The following VPS26B variants were observed in gnomAD, a reference collection of about 807,000 sequenced individuals.
The protein encoded by VPS26B is VPS26 retromer complex component B, also known as vacuolar protein sorting-associated protein 26B.
A neutral mutation model predicts 33.3 loss-of-function variants in VPS26B; 10 were observed. The ratio of observed to expected loss-of-function variants is 0.30; its 90% confidence interval spans 0.19 to 0.51. VPS26B has a LOEUF of 0.51. VPS26B is among the 20% of genes least tolerant of loss of function. The pLI, the probability that VPS26B is intolerant of heterozygous loss-of-function variation, is 0.98. For synonymous variants in VPS26B, 190 were observed against 176.9 expected (o/e 1.07, Z -0.59); for missense variants, 317 against 452.7 (o/e 0.70, Z 2.72).
Position 134,225,348 on chromosome 11 carries a change from G to T in VPS26B, c.223+3G>T. The T allele has an allele frequency of 6.2e-7, 1 of 1,613,384 alleles. No individual in the cohort carries two copies. The highest frequency in any genetic ancestry group is 1.1e-5 in the South Asian group (1 of 91,046). On this transcript the variant is annotated splice_donor_region_variant and intron_variant, in intron 1 of 5. Coordinates refer to ENST00000281187, the MANE Select transcript of VPS26B (RefSeq NM_052875.5). ...GATCGAGTTCATCGGGCAGATCGGT[G>T]AGTCGACCCCCGGGACCCCCTCCCC...
Position 134,225,177 on chromosome 11 carries a change from G to T in VPS26B, c.55G>T (p.Ala19Ser), listed in dbSNP as rs1200836115. 6.2e-7 allele frequency: 1 copy of T among 1,614,112 alleles called. No individual in the cohort carries two copies. The highest frequency in any genetic ancestry group is 1.3e-5 in the African/African-American group (1 of 75,072). The change falls in exon 1 of 6, where the codon GCA (alanine) becomes TCA (serine). Residue 19 changes from alanine to serine, a missense_variant. By Grantham distance (99) the Ala-to-Ser change is moderately conservative. Coordinates refer to ENST00000281187, the MANE Select transcript of VPS26B (RefSeq NM_052875.5). Reference sequence around the variant, plus strand: ...GGAGGTGGAAATCCTTCTGAACGATGCAGAGAGTAGGAAGCGGGCCGAGCA... The same window carrying T: ...GGAGGTGGAAATCCTTCTGAACGATTCAGAGAGTAGGAAGCGGGCCGAGCA... ...SVEVEILLND[A>S]ESRKRAEHKT...
At chr11:134,232,275 G>A (rs1591878187) in intron 1 of VPS26B, among the ~76,000 whole-genome samples, 1 of 149,478 alleles carries the variant, frequency 6.7e-6, no homozygotes, top group African/African-American at 2.5e-5. Flanking sequence ...CAGACCTCTC[G>A]TGAGAACAGC....
chr11:134,227,567 T>C (rs1938498100), intron 1 of VPS26B, among the ~76,000 whole-genome samples: 1 of 152,188 alleles, frequency 6.6e-6, no homozygotes, highest in South Asian at 2.1e-4. Context: ...CTTGTCTATC[T>C]CCTTACTCCT....
chr11:134,234,441 G>C (rs1938601872), intron 1 of VPS26B, among the ~76,000 whole-genome samples: 2 of 152,216 alleles, frequency 1.3e-5, no homozygotes, highest in Non-Finnish European at 2.9e-5. Flanking sequence ...AGTCAGTTAA[G>C]CATGCTGTGC....
chr11:134,229,476 C>T (rs747864440), intron 1 of VPS26B, among the ~76,000 whole-genome samples: 56 of 152,236 alleles, frequency 3.7e-4, no homozygotes, highest in Non-Finnish European at 7.1e-4. Flanking sequence ...AAACCCCTCT[C>T]TCTGTCTCTG....
At chr11:134,235,978 C>G (rs563255566) in intron 2 of VPS26B, among the ~76,000 whole-genome samples, 1 of 152,226 alleles carries the variant, frequency 6.6e-6, no homozygotes, top group East Asian at 1.9e-4. Context: ...GGATGGTACA[C>G]ACCACAAGAC....
chr11:134,225,070 G>C lies in VPS26B; in HGVS notation c.-53G>C. 1.3e-6 allele frequency: 2 copies of C among 1,521,616 alleles called. No individual in the cohort carries two copies. The highest frequency in any genetic ancestry group is 2.4e-5 in the South Asian group (2 of 82,324). 94.3% of individuals were successfully genotyped at this position (1,521,616 alleles called of 1,614,324 possible). On this transcript the variant is annotated 5_prime_UTR_variant, in exon 1 of 6. Coordinates refer to ENST00000281187, the MANE Select transcript of VPS26B (RefSeq NM_052875.5). The stretch of plus-strand genomic sequence containing the variant: ...GCCTTCTTTACCTAGGGCAGCCCGC[G>C]CCCCGGTGCGAGGGAGCGGTCCTTA...
intron 1 of VPS26B, among the ~76,000 whole-genome samples, chr11:134,231,663 C>G (rs1398094425): frequency 6.6e-6 from 1 of 151,932 alleles, no homozygotes; most frequent in African/African-American, 2.4e-5. Context: ...CTCCCGGATT[C>G]AAGCAATTCT....
intron 1 of VPS26B, among the ~76,000 whole-genome samples, chr11:134,234,419 C>T (rs1011698114): frequency 1.6e-4 from 25 of 152,318 alleles, no homozygotes; most frequent in Middle Eastern, 3.4e-3. Flanking sequence ...GCCAGCTCTG[C>T]GACTCCAGGC....
intron 1 of VPS26B, among the ~76,000 whole-genome samples, chr11:134,232,824 A>G (rs1938575021): frequency 6.6e-6 from 1 of 152,158 alleles, no homozygotes; most frequent in South Asian, 2.1e-4. Context: ...AAACTGAGGT[A>G]CCAGGTTCCC....
At position 134,225,257 on chromosome 11, in the gene VPS26B, G is replaced by T; in HGVS notation, c.135G>T (p.Thr45=). Residue 45 remains threonine, a synonymous_variant, in exon 1 of 6, where the codon ACG becomes ACT. Transcript: ENST00000281187. ...ATTTCCTCTTCTACGACGGGGAGAC[G>T]GTCTCCGGGAAGGTGAGCCTTGCCC... ...EKYFLFYDGE[T]VSGKVSLALK... 2 of 1,614,152 alleles carry T rather than the reference G, an allele frequency of 1.2e-6. No individual in the cohort carries two copies. Among genetic ancestry groups the T allele is most frequent in the Non-Finnish European group, 1.7e-6 (2 of 1,180,002 alleles).
Position 134,234,877 on chromosome 11 carries a change from G to T in VPS26B, c.224-20G>T, listed in dbSNP as rs772889553. On this transcript the variant is annotated intron_variant, in intron 1 of 5. Coordinates refer to ENST00000281187, the MANE Select transcript of VPS26B (RefSeq NM_052875.5). ...TCAGGGTCTGATAAAGGAGGGCGTCGCATCGCTGTCTCTCACCAGAACTCT... is the reference window on the plus strand; with the variant it reads ...TCAGGGTCTGATAAAGGAGGGCGTCTCATCGCTGTCTCTCACCAGAACTCT... 15 of 1,610,092 alleles carry T rather than the reference G, an allele frequency of 9.3e-6. No homozygotes were observed. The highest frequency in any genetic ancestry group is 2.2e-5 in the East Asian group (1 of 44,734).
In VPS26B at chr11:134,247,686, GTCA is replaced by G. The variant is rs1329731995; in HGVS notation, c.*2099_*2101del. 6.5e-6 allele frequency: 1 copy of G among 154,096 alleles called. No homozygotes were observed. The highest frequency in any genetic ancestry group is 6.4e-5 in the Admixed American group (1 of 15,530). The allele number at this position is 154,096 out of a possible 1,614,324, so 9.5% of individuals were successfully genotyped here. On this transcript the variant is annotated 3_prime_UTR_variant, in exon 6 of 6. Transcript: ENST00000281187. ...GCAGTGTTTACATGTTTCTTAATGT[GTCA>G]TCTTTTCAATGGCTGTATTAAAAGA...
chr11:134,225,275 C>G lies in VPS26B; in HGVS notation c.153C>G (p.Ser51Arg). ...YDGETVSGKV[S>R]LALKNPNKRL... is the part of the protein sequence containing the mutation. Reference sequence around the variant, plus strand: ...GGGAGACGGTCTCCGGGAAGGTGAGCCTTGCCCTCAAGAACCCCAACAAGC... The same window carrying G: ...GGGAGACGGTCTCCGGGAAGGTGAGGCTTGCCCTCAAGAACCCCAACAAGC... Residue 51 changes from serine (S) to arginine (R), a missense_variant, in exon 1 of 6, where the codon AGC becomes AGG. Coordinates refer to ENST00000281187, the MANE Select transcript of VPS26B (RefSeq NM_052875.5). 3 of 1,614,106 alleles carry G rather than the reference C, an allele frequency of 1.9e-6. No individual in the cohort carries two copies. The highest frequency in any genetic ancestry group is 2.5e-6 in the Non-Finnish European group (3 of 1,179,982).
At chr11:134,232,932 C>T (rs1036919140) in intron 1 of VPS26B, among the ~76,000 whole-genome samples, 2 of 152,152 alleles carry the variant, frequency 1.3e-5, no homozygotes, top group African/African-American at 2.4e-5. Context: ...GGGCTGGCCG[C>T]GGCTCCGCTT....
At chr11:134,238,496 G>A (rs912036295) in intron 2 of VPS26B, among the ~76,000 whole-genome samples, 20 of 152,176 alleles carry the variant, frequency 1.3e-4, no homozygotes, top group African/African-American at 3.9e-4. Context: ...GAGGTGAACC[G>A]AAAGGATCCC....
In VPS26B at chr11:134,225,005, C is replaced by T; in HGVS notation, c.-118C>T. 2.1e-6 allele frequency: 2 copies of T among 949,668 alleles called. No homozygotes were observed. The highest frequency in any genetic ancestry group is 2.8e-6 in the Non-Finnish European group (2 of 710,894). 58.8% of individuals were successfully genotyped at this position (949,668 alleles called of 1,614,324 possible). A position where few individuals can be genotyped will look rare whatever the true frequency, so the allele number is the denominator to read the frequency against. On this transcript the variant is annotated 5_prime_UTR_variant, in exon 1 of 6. Transcript: ENST00000281187. ...CGGCGGCAGCGGCGGAGCCAGGCAG[C>T]CCCGCGGCGGCCGAGCGCGCTCGCG...
At chr11:134,241,299 T>G (rs1938721278) in intron 3 of VPS26B, among the ~76,000 whole-genome samples, 1 of 151,974 alleles carries the variant, frequency 6.6e-6, no homozygotes, top group Admixed American at 6.6e-5. Context: ...CTTTGAAGGG[T>G]CAGGAACAGA....
Position 134,240,174 on chromosome 11 carries a change from A to C in VPS26B, c.545+19A>C, listed in dbSNP as rs1187499904. ...AATCCAAGTAAGTGTCTCAGTGCCAAGGTTGTGAAATGATTATTTAAGGAG... is the reference window on the plus strand; with the variant it reads ...AATCCAAGTAAGTGTCTCAGTGCCACGGTTGTGAAATGATTATTTAAGGAG... On this transcript the variant is annotated intron_variant, in intron 3 of 5. Transcript: ENST00000281187. This position sits in a 1 kb window ranked among gnomAD's most constrained non-coding sequence, Gnocchi z 4.4. 6.2e-7 allele frequency: 1 copy of C among 1,613,546 alleles called. No homozygotes were observed. The highest frequency in any genetic ancestry group is 8.5e-7 in the Non-Finnish European group (1 of 1,179,596).
Sources: allele counts gnomAD v4.1 joint callset (sites outside exome capture counted in the v4.1 genomes callset), GRCh38; gene constraint gnomAD v4.1.1; non-coding constraint Gnocchi (gnomAD v3.1); transcripts MANE v1.5; gene names NCBI Gene and HGNC (gene_info 2026-07-23, HGNC 2026-07-21).